CYP2B6: variants seen among roughly 807,000 people sequenced by gnomAD.
CYP2B6 encodes cytochrome P450 family 2 subfamily B member 6.
CYP2B6 carries 35 observed loss-of-function variants against 43.4 expected under a neutral mutation model. That is an observed-to-expected ratio of 0.81 (90% CI 0.62 to 1.07). The LOEUF (loss-of-function observed/expected upper bound fraction) is 1.07, where lower values mean the gene tolerates loss of function less well. CYP2B6 is among the 50% of genes least tolerant of loss of function. The pLI is 0.00. For missense variants in CYP2B6, 624 were observed against 632.8 expected (o/e 0.99, Z 0.15); for synonymous variants, 239 against 239.2 (o/e 1.00, Z 0.01).
At chr19:41,011,940 CT>C (rs1299563635) in intron 6 of CYP2B6, among the ~76,000 whole-genome samples, 2 of 151,950 alleles carry the variant, frequency 1.3e-5, no homozygotes, top group African/African-American at 2.4e-5. Context: ...TGAAAGGTCT[CT>C]TTTTAAAAAA....
intron 4 of CYP2B6, among the ~76,000 whole-genome samples, chr19:41,008,294 C>T (rs1036508828): frequency 1.3e-4 from 19 of 150,696 alleles, no homozygotes; most frequent in Non-Finnish European, 2.7e-4. Context: ...TCCCTGCCAC[C>T]TCCACCTCCC....
At chr19:41,009,608 G>T (rs909529198) in intron 5 of CYP2B6, 5 of 632,020 alleles carry the variant, frequency 7.9e-6, no homozygotes, top group Non-Finnish European at 1.1e-5. Context: ...AACTGAGACA[G>T]GGAGAGAGGG....
chr19:41,010,087 A>G lies in CYP2B6; in HGVS notation c.916A>G (p.Thr306Ala). 2 of 1,613,670 alleles carry G rather than the reference A, an allele frequency of 1.2e-6. No individual in the cohort carries two copies. The highest frequency in any genetic ancestry group is 1.7e-6 in the Non-Finnish European group (2 of 1,179,938). ...TGCTGGCACTGAGACCACCAGCACC[A>G]CTCTCCGCTACGGCTTCCTGCTCAT... ...FFAGTETTSTTLRYGFLLMLK... is the reference protein window; with the variant it reads ...FFAGTETTSTALRYGFLLMLK... Residue 306 changes from threonine (T) to alanine (A), a missense_variant, in exon 6 of 9, where the codon ACT becomes GCT. Physicochemically the swap from Thr to Ala is moderately conservative, Grantham distance 58 (BLOSUM62 0). Coordinates refer to ENST00000324071, the MANE Select transcript of CYP2B6 (RefSeq NM_000767.5).
chr19:41,011,589 T>C (rs1969285403), intron 6 of CYP2B6, among the ~76,000 whole-genome samples: 1 of 152,228 alleles, frequency 6.6e-6, no homozygotes, highest in African/African-American at 2.4e-5. Context: ...TATTACACTG[T>C]TATATACCTG....
At position 41,005,744 on chromosome 19, in the gene CYP2B6, G is replaced by A. The variant is rs1374618156; in HGVS notation, c.485-1161G>A. ...TGCCGTGAGCTAAGATCACACTACT[G>A]CACTCCAGTCTGCATGATAGAGTGA... On this transcript the variant is annotated intron_variant, in intron 3 of 8. Coordinates refer to ENST00000324071, the MANE Select transcript of CYP2B6 (RefSeq NM_000767.5). Among the ~76,000 whole-genome samples, 3 of 151,710 alleles carry A rather than the reference G, an allele frequency of 2.0e-5. No homozygotes were observed. In the East Asian group the frequency reaches 5.8e-4, roughly 29 times the overall value.
At position 40,991,427 on chromosome 19, in the gene CYP2B6, G is replaced by A. The variant is rs778199309; in HGVS notation, c.122G>A (p.Gly41Glu). 1 of 1,614,022 alleles carries A rather than the reference G, an allele frequency of 6.2e-7. No homozygotes were observed. The highest frequency in any genetic ancestry group is 8.5e-7 in the Non-Finnish European group (1 of 1,180,036). The change falls in exon 1 of 9, where the codon GGA becomes GAA. Residue 41 changes from glycine to glutamate, a missense_variant. Coordinates refer to ENST00000324071, the MANE Select transcript of CYP2B6 (RefSeq NM_000767.5). ...GGGCCCCGCCCTCTGCCCCTTTTGG[G>A]AAACCTTCTGCAGATGGATAGAAGA... ...PPGPRPLPLL[G>E]NLLQMDRRGL... is the part of the protein sequence containing the mutation.
intron 1 of CYP2B6, among the ~76,000 whole-genome samples, chr19:41,001,983 G>A (rs963064406): frequency 6.6e-6 from 1 of 151,864 alleles, no homozygotes; most frequent in Non-Finnish European, 1.5e-5. Flanking sequence ...TCAGGTGGAA[G>A]GCACTAGAAG....
chr19:41,007,034 C>T lies in CYP2B6; in HGVS notation c.614C>T (p.Thr205Ile). ...AAGATGCTGAACTTGTTCTACCAGA[C>T]TTTTTCACTCATCAGCTCTGTATTC... ...FLKMLNLFYQTFSLISSVFGQ... is the reference protein window; with the variant it reads ...FLKMLNLFYQIFSLISSVFGQ... Residue 205 changes from threonine to isoleucine, a missense_variant, in exon 4 of 9, where the codon ACT becomes ATT. Thr to Ile is a moderately conservative substitution (Grantham distance 89, BLOSUM62 -1). Coordinates refer to ENST00000324071, the MANE Select transcript of CYP2B6 (RefSeq NM_000767.5). The T allele has an allele frequency of 6.2e-7, 1 of 1,614,082 alleles. No individual in the cohort carries two copies. The highest frequency in any genetic ancestry group is 1.3e-5 in the African/African-American group (1 of 74,970).
chr19:41,013,352 G>A lies in CYP2B6; in HGVS notation c.1294+537G>A, dbSNP rs199665623. 5.3e-3 allele frequency among the ~76,000 whole-genome samples: 809 copies of A among 152,234 alleles called. 7 individuals are homozygous for A. The highest frequency in any genetic ancestry group is 0.018 in the African/African-American group (758 of 41,516). On this transcript the variant is annotated intron_variant, in intron 8 of 8. Transcript: ENST00000324071. ...AATTGTGATAAGTGCTCTAAAGGGA[G>A]CTTTGGGAGCACAAAATAGGAAATA...
rs183537694 is a variant in CYP2B6, at chr19:40,991,899, G to A, written c.171+423G>A. Among the ~76,000 whole-genome samples the A allele has an allele frequency of 1.4e-4, 22 of 152,132 alleles. 2 individuals carry two copies. Among genetic ancestry groups the A allele is most frequent in the African/African-American group, 5.1e-4 (21 of 41,466 alleles). On this transcript the variant is annotated intron_variant, in intron 1 of 8. Transcript: ENST00000324071. ...CTGATTAGCCAACACTTGGCTACTT[G>A]TCACAAGAATATATTCATTTGGGCC...
chr19:40,994,210 A>G (rs1456849743), intron 1 of CYP2B6, among the ~76,000 whole-genome samples: 1 of 152,142 alleles, frequency 6.6e-6, no homozygotes, highest in Non-Finnish European at 1.5e-5. Flanking sequence ...GGTATTAGGA[A>G]ACTCTCAGGG....
Position 40,991,887 on chromosome 19 carries a change from A to T in CYP2B6, c.171+411A>T, listed in dbSNP as rs1267155169. On this transcript the variant is annotated intron_variant, in intron 1 of 8. Transcript: ENST00000324071. ...AGCCCAGCTGCTCTGATTAGCCAAC[A>T]CTTGGCTACTTGTCACAAGAATATA... 1.8e-4 allele frequency among the ~76,000 whole-genome samples: 27 copies of T among 152,154 alleles called. No homozygotes were observed. In the South Asian group the frequency reaches 5.6e-3, roughly 32 times the overall value.
intron 1 of CYP2B6, among the ~76,000 whole-genome samples, chr19:41,003,318 G>C (rs1005392504): frequency 2.0e-5 from 3 of 152,066 alleles, no homozygotes; most frequent in African/African-American, 7.3e-5. Flanking sequence ...ACATTATATA[G>C]GGAGGGTGGT....
chr19:41,007,111 A>G, intron 4 of CYP2B6, 46 bp downstream of exon 4: 1 of 1,578,362 alleles, frequency 6.3e-7, no homozygotes, highest in Non-Finnish European at 8.7e-7. Flanking sequence ...TGAGGTGAAC[A>G]CCCAGAACAC....
rs187378204 is a variant in CYP2B6, at chr19:41,012,299, G to C, written c.966G>C (p.Glu322Asp). 2.3e-4 allele frequency: 365 copies of C among 1,614,022 alleles called. No homozygotes were observed. The highest frequency in any genetic ancestry group is 1.4e-4 in the Non-Finnish European group (170 of 1,179,964). The change falls in exon 7 of 9, where the codon GAG becomes GAC. Residue 322 changes from glutamate to aspartate, a missense_variant and splice_region_variant. Physicochemically the swap from Glu to Asp is conservative, Grantham distance 45. Transcript: ENST00000324071. ...LLMLKYPHVA[E>D]RVYREIEQVI... The stretch of plus-strand genomic sequence containing the variant: ...TCATTGGTCTTCTTTTCTGTACAGA[G>C]AGAGTCTACAGGGAGATTGAACAGG...
chr19:41,006,757 C>T (rs192027541), intron 3 of CYP2B6, 148 bp from the exon 4 acceptor site: 332 of 740,168 alleles, frequency 4.5e-4, no homozygotes, highest in African/African-American at 3.5e-3. Flanking sequence ...TGGAATTACG[C>T]GTGACGTGCT....
At chr19:41,012,937 C>A in intron 8 of CYP2B6, 122 bp downstream of exon 8, 2 of 1,145,024 alleles carry the variant, frequency 1.7e-6, no homozygotes, top group Non-Finnish European at 2.6e-6. Flanking sequence ...GCTTCACCTG[C>A]CTTATCCCAT....
At chr19:40,998,520 C>A (rs1298122380) in intron 1 of CYP2B6, among the ~76,000 whole-genome samples, 2 of 148,404 alleles carry the variant, frequency 1.3e-5, no homozygotes, top group Non-Finnish European at 3.0e-5. Flanking sequence ...TGCGCTGCAC[C>A]CACTAACTCG....
At chr19:40,994,971 C>T (rs1968979978) in intron 1 of CYP2B6, among the ~76,000 whole-genome samples, 1 of 152,092 alleles carries the variant, frequency 6.6e-6, no homozygotes, top group Non-Finnish European at 1.5e-5. Flanking sequence ...GAGGCATTGG[C>T]ACCAGTGAAA....
Sources: gnomAD v4.1 joint callset for allele counts (sites outside exome capture counted in the v4.1 genomes callset) on GRCh38, gnomAD v4.1.1 for gene constraint, MANE v1.5 for transcripts, NCBI Gene and HGNC (gene_info 2026-07-23, HGNC 2026-07-21) for gene names.